The following MDGA2 variants were observed in gnomAD, a reference collection of about 807,000 sequenced individuals.
MDGA2 encodes the protein MAM domain containing glycosylphosphatidylinositol anchor 2.
Under a neutral mutation model 117.8 loss-of-function variants are expected in MDGA2, and 40 were observed. The ratio of observed to expected loss-of-function variants is 0.34; its 90% CI spans 0.26 to 0.44. MDGA2 has a LOEUF of 0.44. Among genes scored for constraint, MDGA2 ranks in the 20% least tolerant of loss-of-function variants. The probability of loss-of-function intolerance (pLI) is 1.00; values close to 1 mark genes in which losing one functional copy is unlikely to be tolerated. For synonymous variants in MDGA2, 452 were observed against 439.0 expected (o/e 1.03, Z -0.37); for missense variants, 1,123 against 1,250.6 (o/e 0.90, Z 1.54).
At chr14:47,021,911 C>T (rs1888298785) in intron 8 of MDGA2, among the ~76,000 whole-genome samples, 1 of 152,038 alleles carries the variant, frequency 6.6e-6, no homozygotes, top group Non-Finnish European at 1.5e-5. Context: ...CAGACTGTAA[C>T]CGTATTTATA....
At chr14:46,877,330 AAATT>A (rs1356234827) in intron 12 of MDGA2, among the ~76,000 whole-genome samples, 155 bp downstream of exon 12, 6 of 151,696 alleles carry the variant, frequency 4.0e-5, no homozygotes, top group African/African-American at 1.4e-4. Context: ...CTATCCTTTG[AAATT>A]TAAAATCTAC....
intron 8 of MDGA2, among the ~76,000 whole-genome samples, chr14:47,026,148 A>T (rs1200459153): frequency 1.3e-5 from 2 of 152,206 alleles, no homozygotes; most frequent in Admixed American, 6.5e-5. Context: ...ACATCAAACA[A>T]TTGATAATAA....
At position 47,074,478 on chromosome 14, in the gene MDGA2, T is replaced by C. The variant is rs374826278; in HGVS notation, c.1196-12900A>G. 9.2e-5 allele frequency among the ~76,000 whole-genome samples: 14 copies of C among 152,254 alleles called. No individual in the cohort carries two copies. The East Asian group carries it at 1.9e-3, about 21-fold the overall frequency. On this transcript the variant is annotated intron_variant, in intron 6 of 16. Transcript: ENST00000399232. ...ACCACGCCCGGCTAATTTTTTCTATTTTTAGTTGAGACGGGGTTTCACCGT... is the reference window on the plus strand; with the variant it reads ...ACCACGCCCGGCTAATTTTTTCTATCTTTAGTTGAGACGGGGTTTCACCGT...
Position 47,159,894 on chromosome 14 carries a change from T to C in MDGA2, c.596-15620A>G, listed in dbSNP as rs577683336. ...ATTAATTTTGTTCAGCAAATATCAT[T>C]TCATAGACATATAACTTAATTTTTA... On this transcript the variant is annotated intron_variant, in intron 3 of 16. Coordinates refer to ENST00000399232, the MANE Select transcript of MDGA2 (RefSeq NM_001113498.3). Among the ~76,000 whole-genome samples the C allele has an allele frequency of 8.5e-5, 13 of 152,336 alleles. No homozygotes were observed. In the South Asian group the frequency reaches 2.3e-3, roughly 27 times the overall value.
In MDGA2 at chr14:47,195,204, G is replaced by T. The variant is rs187152705; in HGVS notation, c.595+22817C>A. On this transcript the variant is annotated intron_variant, in intron 3 of 16. Transcript: ENST00000399232. ...CTTTACTTATATTTCAAGTTTCAAT[G>T]ATTGTATTTTGTTTTTAGTTTCCAT... Among the ~76,000 whole-genome samples the T allele has an allele frequency of 7.9e-5, 12 of 151,954 alleles. No homozygotes were observed. The East Asian group carries it at 2.1e-3, about 27-fold the overall frequency.
intron 5 of MDGA2, among the ~76,000 whole-genome samples, chr14:47,108,115 C>T (rs948418993): frequency 2.0e-5 from 3 of 151,230 alleles, no homozygotes; most frequent in African/African-American, 7.3e-5. Context: ...AAAAACACAC[C>T]TCACCAAGCT....
Position 47,477,109 on chromosome 14 carries a change from C to T in MDGA2, c.281-175559G>A, listed in dbSNP as rs556179282. On this transcript the variant is annotated intron_variant, in intron 1 of 16. Transcript: ENST00000399232. ...CCCAGGAGGTGAAGGTTGCAGTGAG[C>T]CGAGATCGTGCCATTGCACTCCAGC... is the stretch of plus-strand genomic sequence containing the variant. Among the ~76,000 whole-genome samples the T allele has an allele frequency of 5.9e-5, 9 of 152,292 alleles. No individual in the cohort carries two copies. In the Middle Eastern group the frequency reaches 0.01, roughly 173 times the overall value.
intron 3 of MDGA2, among the ~76,000 whole-genome samples, chr14:47,151,206 C>A (rs1382770308): frequency 6.6e-6 from 1 of 152,208 alleles, no homozygotes. Flanking sequence ...TGCTGCATTA[C>A]TTCCAAATAG....
intron 1 of MDGA2, among the ~76,000 whole-genome samples, chr14:47,431,414 T>C (rs899413956): frequency 1.3e-5 from 2 of 152,050 alleles, no homozygotes; most frequent in Non-Finnish European, 2.9e-5. Flanking sequence ...ATTATGATAT[T>C]CATGTCATTG....
intron 1 of MDGA2, among the ~76,000 whole-genome samples, chr14:47,392,413 T>C (rs1891916998): frequency 6.6e-6 from 1 of 152,050 alleles, no homozygotes. Context: ...CACATAAAAA[T>C]TTTGACCCAC....
At chr14:46,881,084 T>C (rs1882440627) in intron 11 of MDGA2, among the ~76,000 whole-genome samples, 1 of 150,710 alleles carries the variant, frequency 6.6e-6, no homozygotes, top group African/African-American at 2.4e-5. Context: ...GAAAAATGAA[T>C]GGCCACCAAC....
intron 8 of MDGA2, among the ~76,000 whole-genome samples, chr14:46,981,846 T>C (rs1438781643): frequency 6.6e-6 from 1 of 152,190 alleles, no homozygotes. Flanking sequence ...ATTTTTAATA[T>C]ACATGGGTCT....
chr14:47,270,189 A>G (rs1384714739), intron 2 of MDGA2, among the ~76,000 whole-genome samples: 3 of 152,184 alleles, frequency 2.0e-5, no homozygotes, highest in Non-Finnish European at 4.4e-5. Flanking sequence ...GGATTTTTCC[A>G]TTAAGCAATA....
chr14:47,075,884 G>T (rs1366837032), intron 6 of MDGA2, among the ~76,000 whole-genome samples: 1 of 152,184 alleles, frequency 6.6e-6, no homozygotes, highest in Non-Finnish European at 1.5e-5. Flanking sequence ...AGTGATAACA[G>T]TGGACTATGC....
intron 1 of MDGA2, among the ~76,000 whole-genome samples, chr14:47,347,264 A>C (rs1890781096): frequency 6.6e-6 from 1 of 152,202 alleles, no homozygotes; most frequent in Admixed American, 6.5e-5. Context: ...TCAATAGGGA[A>C]GAACGTGTTA....
In MDGA2 at chr14:46,964,993, G is replaced by A. The variant is rs1220466349; in HGVS notation, c.1820-7350C>T. Among the ~76,000 whole-genome samples, 34 of 112,012 alleles carry A rather than the reference G, an allele frequency of 3.0e-4. 2 individuals carry two copies. Among genetic ancestry groups the A allele is most frequent in the African/African-American group, 1.5e-3 (30 of 20,308 alleles). 73.5% of individuals were successfully genotyped at this position (112,012 alleles called of 152,430 possible). A position where few individuals can be genotyped will look rare whatever the true frequency, so the allele number is the denominator to read the frequency against. ...GGCTGGAGTGCAGTGGCACGATCTC[G>A]GCTCACTGCAAGCTCCGCCTCCCGG... is the stretch of plus-strand genomic sequence containing the variant. On this transcript the variant is annotated intron_variant, in intron 8 of 16. Transcript: ENST00000399232.
At chr14:47,393,186 C>T (rs921177553) in intron 1 of MDGA2, among the ~76,000 whole-genome samples, 9 of 151,410 alleles carry the variant, frequency 5.9e-5, no homozygotes, top group African/African-American at 2.2e-4. Context: ...GATTGACAGG[C>T]TTGAGAAATT....
At chr14:47,192,477 T>A (rs1014062555) in intron 3 of MDGA2, among the ~76,000 whole-genome samples, 1 of 151,740 alleles carries the variant, frequency 6.6e-6, no homozygotes, top group African/African-American at 2.4e-5. Context: ...TAGCCTGGTG[T>A]GGTGGCACGT....
chr14:47,603,259 T>G (rs768503928), intron 1 of MDGA2, among the ~76,000 whole-genome samples: 59 of 152,334 alleles, frequency 3.9e-4, no homozygotes, highest in Non-Finnish European at 7.1e-4. Context: ...TTGACTTTGC[T>G]TTTATAATCC....
Sources: allele counts gnomAD v4.1 joint callset (sites outside exome capture counted in the v4.1 genomes callset), GRCh38; gene constraint gnomAD v4.1.1; transcripts MANE v1.5; gene names NCBI Gene and HGNC (gene_info 2026-07-23, HGNC 2026-07-21).